The following LTF variants were observed in gnomAD, a reference collection of about 807,000 sequenced individuals.
The protein encoded by LTF is lactotransferrin, also known as epididymis luminal protein 110.
A neutral mutation model predicts 87.2 loss-of-function variants in LTF; 91 were observed. The observed-to-expected ratio is 1.04, with a 90% CI of 0.88 to 1.24. The LOEUF (loss-of-function observed/expected upper bound fraction) is 1.24, where lower values mean the gene tolerates loss of function less well. Ranked by LOEUF, LTF falls within the 50% of genes most tolerant of loss-of-function variation. The pLI, the probability that LTF is intolerant of heterozygous loss-of-function variation, is 0.00. For synonymous variants in LTF, 378 were observed against 356.1 expected (o/e 1.06, Z -0.69); for missense variants, 901 against 904.3 (o/e 1.00, Z 0.05).
chr3:46,480,305 T>C (rs1304539124), intron 1 of LTF, among the ~76,000 whole-genome samples: 1 of 152,216 alleles, frequency 6.6e-6, no homozygotes, highest in Non-Finnish European at 1.5e-5. Flanking sequence ...ATGCTCTGTA[T>C]CATGTCCCTG....
chr3:46,446,079 G>C (rs1348463707), intron 11 of LTF, among the ~76,000 whole-genome samples: 1 of 152,146 alleles, frequency 6.6e-6, no homozygotes, highest in African/African-American at 2.4e-5. Flanking sequence ...CGAGGACCCG[G>C]GGTCAAGACC....
rs139174131 is a variant in LTF, at chr3:46,461,329, C to T, written c.44-1510G>A. On this transcript the variant is annotated intron_variant, in intron 1 of 16. Coordinates refer to ENST00000231751, the MANE Select transcript of LTF (RefSeq NM_002343.6). ...ATAGCCAGAAGAAATATTATAAGAA[C>T]CTATCATACATAAATGCTTGTGCAT... 1.1e-4 allele frequency among the ~76,000 whole-genome samples: 17 copies of T among 152,294 alleles called. No individual in the cohort carries two copies. The East Asian group carries it at 3.1e-3, about 28-fold the overall frequency.
Position 46,438,128 on chromosome 3 carries a change from G to A in LTF, c.1910C>T (p.Ala637Val). 1.2e-6 allele frequency: 2 copies of A among 1,612,434 alleles called. No individual in the cohort carries two copies. Among genetic ancestry groups the A allele is most frequent in the African/African-American group, 1.3e-5 (1 of 74,856 alleles). The part of the protein sequence containing the change: ...RLKQVLLHQQ[A>V]KFGRNGSDCP... ...GTCAGATCCATTTCTCCCAAATTTA[G>A]CCTGCGACAAAAGGGCAGACAGTGA... Residue 637 changes from alanine (A) to valine (V), a missense_variant and splice_region_variant, in exon 16 of 17, where the codon GCT (alanine) becomes GTT (valine). By Grantham distance (64) the Ala-to-Val change is moderately conservative. Coordinates refer to ENST00000231751, the MANE Select transcript of LTF (RefSeq NM_002343.6).
chr3:46,451,019 C>A (rs1024228246), intron 6 of LTF, among the ~76,000 whole-genome samples: 1 of 152,134 alleles, frequency 6.6e-6, no homozygotes. Context: ...GCTCAGGGGG[C>A]CACCAAGGGT....
At chr3:46,479,680 C>T (rs750486177) in intron 1 of LTF, among the ~76,000 whole-genome samples, 1 of 152,170 alleles carries the variant, frequency 6.6e-6, no homozygotes, top group Non-Finnish European at 1.5e-5. Flanking sequence ...AGTGCCACCA[C>T]CCCTGGCTAA....
At chr3:46,440,389 A>T (rs1268186607) in intron 14 of LTF, among the ~76,000 whole-genome samples, 1 of 152,238 alleles carries the variant, frequency 6.6e-6, no homozygotes, top group Non-Finnish European at 1.5e-5. Flanking sequence ...AGCCAATTCT[A>T]ACAAAATACA....
chr3:46,446,284 C>G (rs4682816), intron 11 of LTF, among the ~76,000 whole-genome samples, 156 bp downstream of exon 11: 73,643 of 151,916 alleles, frequency 0.48, 18,124 homozygotes, highest in African/African-American at 0.57. Context: ...AGAACTATTC[C>G]TCTGTGAATT....
At chr3:46,474,910 G>C (rs1418209665) in intron 1 of LTF, among the ~76,000 whole-genome samples, 1 of 152,090 alleles carries the variant, frequency 6.6e-6, no homozygotes, top group African/African-American at 2.4e-5. Flanking sequence ...AACTTAATGA[G>C]AATGAAAATA....
intron 14 of LTF, among the ~76,000 whole-genome samples, chr3:46,440,985 A>C (rs1437335658): frequency 6.6e-6 from 1 of 152,224 alleles, no homozygotes; most frequent in East Asian, 1.9e-4. Flanking sequence ...GGATGAATGA[A>C]GGCCTCTACT....
At chr3:46,456,064 G>A in intron 3 of LTF, 86 bp from the exon 4 acceptor site, 3 of 1,260,814 alleles carry the variant, frequency 2.4e-6, no homozygotes, top group South Asian at 3.0e-5. Flanking sequence ...CCGGTGGGAA[G>A]GGGGAATGCT....
chr3:46,456,904 T>G (rs934466087), intron 2 of LTF, among the ~76,000 whole-genome samples: 2 of 152,170 alleles, frequency 1.3e-5, no homozygotes, highest in Admixed American at 1.3e-4. Flanking sequence ...AAGGACCAGT[T>G]TCAGGGAATG....
At chr3:46,481,208 G>A (rs745823771) in intron 1 of LTF, among the ~76,000 whole-genome samples, 12 of 152,182 alleles carry the variant, frequency 7.9e-5, no homozygotes, top group Non-Finnish European at 1.6e-4. Context: ...CTGAGCAAGT[G>A]GTCCTGTAGA....
chr3:46,450,221 T>C (rs1001997796), intron 7 of LTF, among the ~76,000 whole-genome samples, 193 bp from the exon 8 acceptor site: 2 of 151,690 alleles, frequency 1.3e-5, no homozygotes, highest in Non-Finnish European at 2.9e-5. Flanking sequence ...CTTTGAAGAG[T>C]TGCTGAGGTC....
chr3:46,484,771 A>G (rs1377431843), intron 1 of LTF, among the ~76,000 whole-genome samples: 1 of 152,216 alleles, frequency 6.6e-6, no homozygotes, highest in African/African-American at 2.4e-5. Flanking sequence ...CTGAAGGTGT[A>G]CAGTGTGTCT....
intron 8 of LTF, 150 bp from the exon 9 acceptor site, chr3:46,449,167 A>C: frequency 3.1e-6 from 2 of 653,836 alleles, no homozygotes; most frequent in Non-Finnish European, 2.5e-6. Context: ...CTCCTCCTCC[A>C]CTTCTCAGCT....
At chr3:46,436,464 C>T (rs1404779819) in intron 16 of LTF, among the ~76,000 whole-genome samples, 1 of 152,220 alleles carries the variant, frequency 6.6e-6, no homozygotes, top group Non-Finnish European at 1.5e-5. Flanking sequence ...GCCTGAGAGA[C>T]ACAACCACCC....
chr3:46,455,620 G>A (rs547641032), intron 4 of LTF, among the ~76,000 whole-genome samples, 176 bp downstream of exon 4: 10 of 152,362 alleles, frequency 6.6e-5, no homozygotes, highest in Admixed American at 5.2e-4. Flanking sequence ...ACTCAGCTGT[G>A]CCTCCCAAGG....
At chr3:46,437,665 A>C (rs954721250) in intron 16 of LTF, among the ~76,000 whole-genome samples, 1 of 151,950 alleles carries the variant, frequency 6.6e-6, no homozygotes, top group African/African-American at 2.4e-5. Context: ...TGCACCTTTC[A>C]TTTTACTGAA....
At position 46,459,642 on chromosome 3, in the gene LTF, C is replaced by T. The variant is rs138199043; in HGVS notation, c.207+14G>A. 4.4e-3 allele frequency: 6,305 copies of T among 1,425,200 alleles called. 19 individuals are homozygous for T. Among genetic ancestry groups the T allele is most frequent in the Non-Finnish European group, 5.1e-3 (5,524 of 1,082,970 alleles). 88.3% of individuals were successfully genotyped at this position (1,425,200 alleles called of 1,614,324 possible). The stretch of plus-strand genomic sequence containing the variant: ...ATTCAGCTTGGTCCCAACCAACACC[C>T]GGCATTGACTCACCGCAATGGCCTG... On this transcript the variant is annotated intron_variant, in intron 2 of 16. Coordinates refer to ENST00000231751, the MANE Select transcript of LTF (RefSeq NM_002343.6).
Sources: gnomAD v4.1 joint callset for allele counts (sites outside exome capture counted in the v4.1 genomes callset) on GRCh38, gnomAD v4.1.1 for gene constraint, MANE v1.5 for transcripts, NCBI Gene and HGNC (gene_info 2026-07-23, HGNC 2026-07-21) for gene names.